The following AP1B1 variants were observed in gnomAD, a reference collection of about 807,000 sequenced individuals.
The protein encoded by AP1B1 is AP-1 complex subunit beta-1.
A neutral mutation model predicts 104.3 loss-of-function variants in AP1B1; 36 were observed. The ratio of observed to expected loss-of-function variants is 0.35; its 90% CI spans 0.26 to 0.46. The LOEUF (loss-of-function observed/expected upper bound fraction) is 0.46. AP1B1 is among the 20% of genes least tolerant of loss of function. AP1B1 has a pLI of 1.00. For missense variants in AP1B1, 901 were observed against 1,247.9 expected (o/e 0.72, Z 4.19); for synonymous variants, 504 against 517.5 (o/e 0.97, Z 0.35).
rs777676986 is a variant in AP1B1 at position 29,340,628 on chromosome 22, C to T, written c.1998+28G>A. 25 of 1,507,164 alleles carry T rather than the reference C, an allele frequency of 1.7e-5. 1 individual carries two copies. Among genetic ancestry groups the T allele is most frequent in the Non-Finnish European group, 2.2e-5 (25 of 1,122,308 alleles). 93.4% of individuals were successfully genotyped at this position (1,507,164 alleles called of 1,614,324 possible). Reference sequence around the variant, plus strand: ...CTGCTCCTCTGAGGATCATTATCAACATCATCCAGAGGGGGCCCACAACAT... The same window carrying T: ...CTGCTCCTCTGAGGATCATTATCAATATCATCCAGAGGGGGCCCACAACAT... On this transcript the variant is annotated intron_variant, in intron 14 of 22. Coordinates refer to ENST00000357586, the MANE Select transcript of AP1B1 (RefSeq NM_001127.4).
chr22:29,383,350 T>C (rs1253256084), intron 1 of AP1B1, among the ~76,000 whole-genome samples: 2 of 152,136 alleles, frequency 1.3e-5, no homozygotes, highest in African/African-American at 4.8e-5. Flanking sequence ...ACCACCCAAG[T>C]CTATTCCTCT....
At chr22:29,366,731 G>A (rs374814364) in intron 2 of AP1B1, among the ~76,000 whole-genome samples, 2 of 151,846 alleles carry the variant, frequency 1.3e-5, no homozygotes, top group South Asian at 2.1e-4. Flanking sequence ...CTCGAGAGGC[G>A]GAGGTTGCAA....
In AP1B1 at chr22:29,328,841, C is replaced by A; in HGVS notation, c.2830G>T (p.Glu944Ter). Reference protein sequence around the residue: ...EVSQHVYQAYETILKN With the variant: ...EVSQHVYQAY ...GGGTCTCAGTTCTTGAGGATGGTCTCGTAGGCCTGGTACACGTGCTGGGAC... is the reference window on the plus strand; with the variant it reads ...GGGTCTCAGTTCTTGAGGATGGTCTAGTAGGCCTGGTACACGTGCTGGGAC... The change falls in exon 23 of 23, where the codon GAG becomes TAG. Residue 944 changes from glutamate to a stop codon, truncating the protein, a stop_gained. Coordinates refer to ENST00000357586, the MANE Select transcript of AP1B1 (RefSeq NM_001127.4). LOFTEE classifies it high-confidence loss of function. This position sits in a 1 kb window ranked among gnomAD's most constrained non-coding sequence, Gnocchi z 4.1. 1 of 1,608,334 alleles carries A rather than the reference C, an allele frequency of 6.2e-7. No individual in the cohort carries two copies. The highest frequency in any genetic ancestry group is 2.2e-5 in the East Asian group (1 of 44,736).
chr22:29,328,725 C>T lies in AP1B1; in HGVS notation c.*96G>A. On this transcript the variant is annotated 3_prime_UTR_variant, in exon 23 of 23. Coordinates refer to ENST00000357586, the MANE Select transcript of AP1B1 (RefSeq NM_001127.4). This position sits in a 1 kb window ranked among gnomAD's most constrained non-coding sequence, Gnocchi z 4.1. ...GGAGCCCACTGAGTGGCCTGGAGCC[C>T]CGCCTGGTCCCTCCTGCGAGGAGGA... The T allele has an allele frequency of 6.9e-7, 1 of 1,459,224 alleles. No homozygotes were observed. The highest frequency in any genetic ancestry group is 2.4e-4 in the Middle Eastern group (1 of 4,134). The allele number at this position is 1,459,224 out of a possible 1,614,324, so 90.4% of individuals were successfully genotyped here.
intron 1 of AP1B1, among the ~76,000 whole-genome samples, chr22:29,369,507 T>C (rs2062197190): frequency 6.6e-6 from 1 of 152,244 alleles, no homozygotes; most frequent in African/African-American, 2.4e-5. Flanking sequence ...CTATGGGAGC[T>C]GCAGGAAAGA....
intron 6 of AP1B1, among the ~76,000 whole-genome samples, chr22:29,355,552 C>A (rs533668413): frequency 2.6e-4 from 39 of 152,254 alleles, no homozygotes; most frequent in Non-Finnish European, 5.1e-4. Context: ...TCAAATCACT[C>A]TGAGCCTCAG....
Position 29,358,732 on chromosome 22 carries a change from G to A in AP1B1, c.519C>T (p.Asn173=). ...GTGGGTGGCAGTGGCTTACCATGGGGTTAGAGTCGGAGATGAGGTCTTTAA... is the reference window on the plus strand; with the variant it reads ...GTGGGTGGCAGTGGCTTACCATGGGATTAGAGTCGGAGATGAGGTCTTTAA... ...DTLKDLISDS[N]PMVVANAVAA... The change falls in exon 5 of 23, where the codon AAC becomes AAT. Residue 173 remains asparagine (N), a synonymous_variant. Coordinates refer to ENST00000357586, the MANE Select transcript of AP1B1 (RefSeq NM_001127.4). 3 of 1,612,082 alleles carry A rather than the reference G, an allele frequency of 1.9e-6. No individual in the cohort carries two copies. Among genetic ancestry groups the A allele is most frequent in the Non-Finnish European group, 2.5e-6 (3 of 1,178,312 alleles).
At chr22:29,341,879 G>T in intron 12 of AP1B1, 119 bp from the exon 13 acceptor site, 1 of 1,225,386 alleles carries the variant, frequency 8.2e-7, no homozygotes, top group Non-Finnish European at 1.1e-6. Context: ...CAGCAGTCCT[G>T]AGTGCTCCCA....
At chr22:29,373,265 G>A (rs544445566) in intron 1 of AP1B1, among the ~76,000 whole-genome samples, 8 of 151,986 alleles carry the variant, frequency 5.3e-5, no homozygotes, top group Middle Eastern at 3.4e-3. Context: ...GAGTGAGACC[G>A]TGTCTCAAAA....
At chr22:29,384,399 T>C (rs1276578141) in intron 1 of AP1B1, among the ~76,000 whole-genome samples, 1 of 152,168 alleles carries the variant, frequency 6.6e-6, no homozygotes, top group Non-Finnish European at 1.5e-5. Context: ...GACATGAGGA[T>C]GGACAGGAGA....
At chr22:29,375,711 G>A (rs1342688989) in intron 1 of AP1B1, among the ~76,000 whole-genome samples, 1 of 152,072 alleles carries the variant, frequency 6.6e-6, no homozygotes, top group African/African-American at 2.4e-5. Context: ...TGTGACCCTG[G>A]GCAACTACCC....
intron 1 of AP1B1, among the ~76,000 whole-genome samples, chr22:29,373,574 T>G (rs2062278110): frequency 6.6e-6 from 1 of 152,098 alleles, no homozygotes; most frequent in Non-Finnish European, 1.5e-5. Context: ...CACTGTACAC[T>G]TAAGAGCCAA....
chr22:29,336,675 T>C (rs1022358131), intron 16 of AP1B1, among the ~76,000 whole-genome samples: 11 of 152,006 alleles, frequency 7.2e-5, no homozygotes, highest in African/African-American at 2.7e-4. Context: ...TGGTGGCAGG[T>C]GCCTGTAATC....
At chr22:29,333,588 C>CT (rs1422951355) in intron 17 of AP1B1, among the ~76,000 whole-genome samples, 1 of 152,162 alleles carries the variant, frequency 6.6e-6, no homozygotes, top group Non-Finnish European at 1.5e-5. Context: ...GTGGCGTGCA[C>CT]CTGTAGTCCC....
At chr22:29,355,108 G>A (rs2061935363) in intron 6 of AP1B1, among the ~76,000 whole-genome samples, 1 of 152,054 alleles carries the variant, frequency 6.6e-6, no homozygotes, top group African/African-American at 2.4e-5. Context: ...ATGGTGGTAA[G>A]CACCTGTAGT....
At chr22:29,365,155 C>G (rs1293694131) in intron 2 of AP1B1, among the ~76,000 whole-genome samples, 1 of 152,182 alleles carries the variant, frequency 6.6e-6, no homozygotes, top group Non-Finnish European at 1.5e-5. Context: ...TGGTAGGGGG[C>G]AGGGCTGAAA....
intron 16 of AP1B1, 111 bp downstream of exon 16, chr22:29,338,879 C>T: frequency 6.2e-6 from 9 of 1,447,192 alleles, no homozygotes; most frequent in Non-Finnish European, 8.4e-6. Context: ...CAGCTTCCCT[C>T]ATCACTGCTG....
At chr22:29,368,092 G>A (rs1280350580) in intron 1 of AP1B1, among the ~76,000 whole-genome samples, 1 of 152,198 alleles carries the variant, frequency 6.6e-6, no homozygotes, top group African/African-American at 2.4e-5. Context: ...GAGGTCAGGA[G>A]TTTGAAACCA....
At chr22:29,379,436 C>A (rs1173350470) in intron 1 of AP1B1, among the ~76,000 whole-genome samples, 1 of 152,194 alleles carries the variant, frequency 6.6e-6, no homozygotes, top group East Asian at 1.9e-4. Context: ...GACTACAGAA[C>A]AACGCTCTTT....
Sources: allele counts gnomAD v4.1 joint callset (sites outside exome capture counted in the v4.1 genomes callset), GRCh38; gene constraint gnomAD v4.1.1; non-coding constraint Gnocchi (gnomAD v3.1); transcripts MANE v1.5; gene names NCBI Gene and HGNC (gene_info 2026-07-23, HGNC 2026-07-21).